HSF4: variants seen among roughly 807,000 people sequenced by gnomAD.
The protein encoded by HSF4 is heat shock transcription factor 4.
Under a neutral mutation model 52.0 loss-of-function variants are expected in HSF4, and 41 were observed. The ratio of observed to expected loss-of-function variants is 0.79; its 90% confidence interval spans 0.61 to 1.02. The LOEUF (loss-of-function observed/expected upper bound fraction) is 1.02. Among genes scored for constraint, HSF4 ranks in the 50% least tolerant of loss-of-function variants. The pLI, the probability that HSF4 is intolerant of heterozygous loss-of-function variation, is 0.00. For synonymous variants in HSF4, 285 were observed against 273.0 expected (o/e 1.04, Z -0.43); for missense variants, 610 against 651.1 (o/e 0.94, Z 0.69).
chr16:67,166,564 C>T lies in HSF4; in HGVS notation c.568C>T (p.Gln190Ter), dbSNP rs770722728. 22 of 1,613,844 alleles carry T rather than the reference C, an allele frequency of 1.4e-5. No homozygotes were observed. The highest frequency in any genetic ancestry group is 1.8e-5 in the Non-Finnish European group (21 of 1,179,964). The change falls in exon 6 of 13, where the codon CAG becomes TAG. Residue 190 changes from glutamine to a stop codon, truncating the protein, a stop_gained. Coordinates refer to ENST00000521374, the MANE Select transcript of HSF4 (RefSeq NM_001374675.1). LOFTEE classifies it high-confidence loss of function. ...ACCTTTGCTTTCTCTTCAGCTGATC[C>T]AGTGTCTCTTTGGGCCACTTCAGGC... ...QQHRVIGKLIQCLFGPLQAGP... is the reference protein window; with the variant it reads ...QQHRVIGKLI
chr16:67,166,076 G>A lies in HSF4; in HGVS notation c.485+6G>A. On this transcript the variant is annotated splice_donor_region_variant and intron_variant, in intron 4 of 12. Transcript: ENST00000521374. ...CGGCTGCGGGAGCTCAGGCAGTGCG[G>A]GGGCGGGCGGGGAAAGAGGGGACAG... is the stretch of plus-strand genomic sequence containing the variant. 1 of 1,531,948 alleles carries A rather than the reference G, an allele frequency of 6.5e-7. No homozygotes were observed. The highest frequency in any genetic ancestry group is 1.4e-5 in the African/African-American group (1 of 73,022). 94.9% of individuals were successfully genotyped at this position (1,531,948 alleles called of 1,614,324 possible).
At position 67,165,515 on chromosome 16, in the gene HSF4, T is replaced by C. The variant is rs755128317; in HGVS notation, c.124-7T>C. 18 of 1,611,496 alleles carry C rather than the reference T, an allele frequency of 1.1e-5. No homozygotes were observed. The highest frequency in any genetic ancestry group is 1.4e-5 in the Non-Finnish European group (17 of 1,178,994). On this transcript the variant is annotated splice_region_variant and splice_polypyrimidine_tract_variant and intron_variant, in intron 1 of 12. Coordinates refer to ENST00000521374, the MANE Select transcript of HSF4 (RefSeq NM_001374675.1). The surrounding 1 kb of genome is among the most constrained non-coding windows in gnomAD (Gnocchi z 6.9). Reference sequence around the variant, plus strand: ...CCCGCACGGTGGGCGGGCGGCGTTCTTGGTAGAGCGGGACCAGTTTCCTCG... The same window carrying C: ...CCCGCACGGTGGGCGGGCGGCGTTCCTGGTAGAGCGGGACCAGTTTCCTCG...
chr16:67,166,331 T>A lies in HSF4; in HGVS notation c.497T>A (p.Ile166Asn), dbSNP rs1567668957. 6.2e-7 allele frequency: 1 copy of A among 1,612,574 alleles called. No homozygotes were observed. Among genetic ancestry groups the A allele is most frequent in the Non-Finnish European group, 8.5e-7 (1 of 1,179,324 alleles). Residue 166 changes from isoleucine to asparagine, a missense_variant, in exon 5 of 13, where the codon ATC (isoleucine) becomes AAC (asparagine). By Grantham distance (149) the Ile-to-Asn change is moderately radical. Transcript: ENST00000521374. ...CACCCCTTCCTCAGGCAGAACGAGA[T>A]CTTGTGGCGGGAGGTGGTGACACTT... ...RLRELRQQNE[I>N]LWREVVTLRQ...
At chr16:67,166,181 C>T in intron 4 of HSF4, 111 bp downstream of exon 4, 2 of 1,392,080 alleles carry the variant, frequency 1.4e-6, no homozygotes, top group South Asian at 1.2e-5. Flanking sequence ...GCCTTGGCGC[C>T]TCCATCTAGA....
Position 67,169,855 on chromosome 16 carries a change from C to T in HSF4, c.*70C>T. The stretch of plus-strand genomic sequence containing the variant: ...CATCCTTCTTGGCTTCCTGGCGCCC[C>T]CTATCGGGGGTGAGCGAAGCCCCCA... On this transcript the variant is annotated 3_prime_UTR_variant, in exon 13 of 13. Coordinates refer to ENST00000521374, the MANE Select transcript of HSF4 (RefSeq NM_001374675.1). This position sits in a 1 kb window ranked among gnomAD's most constrained non-coding sequence, Gnocchi z 4.3. 1.3e-5 allele frequency: 21 copies of T among 1,580,772 alleles called. No individual in the cohort carries two copies. The highest frequency in any genetic ancestry group is 1.8e-5 in the Non-Finnish European group (21 of 1,152,100).
chr16:67,166,677 C>T (rs1368387272), intron 6 of HSF4, 55 bp downstream of exon 6: 5 of 1,514,098 alleles, frequency 3.3e-6, no homozygotes, highest in Non-Finnish European at 4.6e-6. Context: ...CCCAGAAGTC[C>T]CCTTGCAAGG....
chr16:67,166,243 C>T (rs1398395091), intron 4 of HSF4, 77 bp from the exon 5 acceptor site: 4 of 1,470,858 alleles, frequency 2.7e-6, no homozygotes, highest in Admixed American at 1.9e-5. Flanking sequence ...TCCTGGGTCC[C>T]CAGCCTCGCC....
Position 67,167,924 on chromosome 16 carries a change from G to A in HSF4, c.1059G>A (p.Gly353=). The A allele has an allele frequency of 1.3e-6, 2 of 1,597,630 alleles. No individual in the cohort carries two copies. The highest frequency in any genetic ancestry group is 8.5e-7 in the Non-Finnish European group (1 of 1,176,658). Reference sequence around the variant, plus strand: ...GGAATGCCCAACAGCCTGAACCAGGGGATCCCAGGGAGATACCTGACAGGT... The same window carrying A: ...GGAATGCCCAACAGCCTGAACCAGGAGATCCCAGGGAGATACCTGACAGGT... ...GPRNAQQPEP[G]DPREIPDRGP... is the part of the protein sequence containing the mutation. Residue 353 remains glycine (G), a synonymous_variant, in exon 9 of 13, where the codon GGG becomes GGA. Coordinates refer to ENST00000521374, the MANE Select transcript of HSF4 (RefSeq NM_001374675.1).
Position 67,165,152 on chromosome 16 carries a change from G to T in HSF4, c.123+218G>T. On this transcript the variant is annotated intron_variant, in intron 1 of 12. Transcript: ENST00000521374. This position sits in a 1 kb window ranked among gnomAD's most constrained non-coding sequence, Gnocchi z 6.9. ...CCTTCTGAAGACCTAGAGTCCGAGG[G>T]ACCTTCGAGGCCATTTAGTTCCCAC... 1 of 607,402 alleles carries T rather than the reference G, an allele frequency of 1.6e-6. No homozygotes were observed. The allele number at this position is 607,402 out of a possible 1,614,324, so 37.6% of individuals were successfully genotyped here.
upstream of HSF4, chr16:67,163,944 C>T (rs189620418): frequency 2.2e-4 from 313 of 1,419,752 alleles, no homozygotes; most frequent in African/African-American, 4.0e-3. Flanking sequence ...GGGTCTTTAC[C>T]GAGTTGGGAA....
rs745333696 is a variant in HSF4, at chr16:67,165,471, C to T, written c.124-51C>T. ...CAGGACTGGCCGTGAGCGGGCACCG[C>T]TCACCCTCCTGGTCTCCGCCCGCAC... On this transcript the variant is annotated intron_variant, in intron 1 of 12. Coordinates refer to ENST00000521374, the MANE Select transcript of HSF4 (RefSeq NM_001374675.1). This position sits in a 1 kb window ranked among gnomAD's most constrained non-coding sequence, Gnocchi z 6.9. The T allele has an allele frequency of 6.5e-7, 1 of 1,548,464 alleles. No homozygotes were observed. Among genetic ancestry groups the T allele is most frequent in the South Asian group, 1.1e-5 (1 of 89,776 alleles).
Position 67,169,777 on chromosome 16 carries a change from TCCCCCTAAGA to T in HSF4, c.1476_*6del. On this transcript the variant is annotated stop_lost and 3_prime_UTR_variant, in exon 13 of 13. Coordinates refer to ENST00000521374, the MANE Select transcript of HSF4 (RefSeq NM_001374675.1). The surrounding 1 kb of genome is among the most constrained non-coding windows in gnomAD (Gnocchi z 4.3). ...CTACTTGGGCCCGGAAGCCAGTCCC[TCCCCCTAAGA>T]CCCCGCGCCTCTGAAGGGGCTTGGA... The T allele has an allele frequency of 6.2e-7, 1 of 1,612,616 alleles. No individual in the cohort carries two copies. Among genetic ancestry groups the T allele is most frequent in the Non-Finnish European group, 8.5e-7 (1 of 1,179,774 alleles).
chr16:67,166,339 C>A lies in HSF4; in HGVS notation c.505C>A (p.Arg169=). The change falls in exon 5 of 13, where the codon CGG becomes AGG. Residue 169 remains arginine, a synonymous_variant. Transcript: ENST00000521374. ...ELRQQNEILW[R]EVVTLRQSHG... Reference sequence around the variant, plus strand: ...CCTCAGGCAGAACGAGATCTTGTGGCGGGAGGTGGTGACACTTCGGCAGAG... The same window carrying A: ...CCTCAGGCAGAACGAGATCTTGTGGAGGGAGGTGGTGACACTTCGGCAGAG... 6.2e-7 allele frequency: 1 copy of A among 1,608,640 alleles called. No individual in the cohort carries two copies.
chr16:67,165,421 A>T lies in HSF4; in HGVS notation c.124-101A>T. On this transcript the variant is annotated intron_variant, in intron 1 of 12. Coordinates refer to ENST00000521374, the MANE Select transcript of HSF4 (RefSeq NM_001374675.1). This position sits in a 1 kb window ranked among gnomAD's most constrained non-coding sequence, Gnocchi z 6.9. ...GGCAGGCCTGGACCCAAGAGTGAGC[A>T]TGAGTGTGTGCGCGCGCTGGAGCGC... 9.4e-7 allele frequency: 1 copy of T among 1,067,218 alleles called. No individual in the cohort carries two copies. Among genetic ancestry groups the T allele is most frequent in the Non-Finnish European group, 1.5e-6 (1 of 689,028 alleles). 66.1% of individuals were successfully genotyped at this position (1,067,218 alleles called of 1,614,324 possible). A position where few individuals can be genotyped will look rare whatever the true frequency, so the allele number is the denominator to read the frequency against.
intron 4 of HSF4, 50 bp from the exon 5 acceptor site, chr16:67,166,270 T>C (rs754459542): frequency 6.5e-7 from 1 of 1,549,952 alleles, no homozygotes; most frequent in African/African-American, 1.4e-5. Flanking sequence ...TGGGGGGTGG[T>C]GACTGGGCGA....
upstream of HSF4, chr16:67,163,837 C>A: frequency 6.5e-7 from 1 of 1,530,752 alleles, no homozygotes; most frequent in African/African-American, 1.4e-5. Flanking sequence ...GACTTCTCTC[C>A]CCCGTCCCCG....
Position 67,165,988 on chromosome 16 carries a change from G to A in HSF4, c.403G>A (p.Asp135Asn). 1 of 1,547,916 alleles carries A rather than the reference G, an allele frequency of 6.5e-7. No individual in the cohort carries two copies. Among genetic ancestry groups the A allele is most frequent in the South Asian group, 1.2e-5 (1 of 85,554 alleles). The change falls in exon 4 of 13, where the codon GAC (aspartate) becomes AAC (asparagine). Residue 135 changes from aspartate to asparagine, a missense_variant. By Grantham distance (23) the Asp-to-Asn change is conservative. Coordinates refer to ENST00000521374, the MANE Select transcript of HSF4 (RefSeq NM_001374675.1). The surrounding 1 kb of genome is among the most constrained non-coding windows in gnomAD (Gnocchi z 6.9). ...CGACGACGGCCGCTGGCGCCCGGAGGACCTGGGTCGACTACTGGGCGAGGT... is the reference window on the plus strand; with the variant it reads ...CGACGACGGCCGCTGGCGCCCGGAGAACCTGGGTCGACTACTGGGCGAGGT... ...RGDDGRWRPE[D>N]LGRLLGEVQA... is the part of the protein sequence containing the mutation.
chr16:67,163,846 C>T (rs756655584), upstream of HSF4: 1 of 1,524,400 alleles, frequency 6.6e-7, no homozygotes, highest in Non-Finnish European at 8.7e-7. Flanking sequence ...CCCCCGTCCC[C>T]GTGGACGTAA....
Position 67,166,075 on chromosome 16 carries a change from G to T in HSF4, c.485+5G>T. The T allele has an allele frequency of 6.5e-7, 1 of 1,531,864 alleles. No individual in the cohort carries two copies. Among genetic ancestry groups the T allele is most frequent in the Non-Finnish European group, 8.7e-7 (1 of 1,145,490 alleles). The allele number at this position is 1,531,864 out of a possible 1,614,324, so 94.9% of individuals were successfully genotyped here. Reference sequence around the variant, plus strand: ...GCGGCTGCGGGAGCTCAGGCAGTGCGGGGGCGGGCGGGGAAAGAGGGGACA... The same window carrying T: ...GCGGCTGCGGGAGCTCAGGCAGTGCTGGGGCGGGCGGGGAAAGAGGGGACA... On this transcript the variant is annotated splice_donor_5th_base_variant and intron_variant, in intron 4 of 12. Transcript: ENST00000521374.
Sources: gnomAD v4.1 joint callset for allele counts on GRCh38, gnomAD v4.1.1 for gene constraint, Gnocchi (gnomAD v3.1) non-coding constraint, MANE v1.5 for transcripts, NCBI Gene and HGNC (gene_info 2026-07-23, HGNC 2026-07-21) for gene names.